KCTD5: variants seen among roughly 807,000 people sequenced by gnomAD.
The protein encoded by KCTD5 is potassium channel tetramerization domain containing 5, also known as BTB/POZ domain-containing protein KCTD5.
A neutral mutation model predicts 27.9 loss-of-function variants in KCTD5; 12 were observed. The observed-to-expected ratio is 0.43, with a 90% CI of 0.28 to 0.70. The LOEUF (loss-of-function observed/expected upper bound fraction) is 0.70, where lower values mean the gene tolerates loss of function less well. Ranked by LOEUF, KCTD5 falls within the 30% of genes least tolerant of loss-of-function variation. The pLI is 0.19. For synonymous variants in KCTD5, 147 were observed against 121.4 expected (o/e 1.21, Z -1.39); for missense variants, 226 against 274.8 (o/e 0.82, Z 1.26).
intron 5 of KCTD5, 120 bp from the exon 6 acceptor site, chr16:2,707,178 G>T: frequency 1.1e-6 from 1 of 878,684 alleles, no homozygotes; most frequent in Non-Finnish European, 1.8e-6. Flanking sequence ...CAGTGCCGCT[G>T]GGTTCCCGGG....
chr16:2,693,573 G>A (rs2067576373), intron 1 of KCTD5, among the ~76,000 whole-genome samples: 1 of 152,246 alleles, frequency 6.6e-6, no homozygotes, highest in African/African-American at 2.4e-5. Context: ...CCTCTGTCCT[G>A]CTGTGCAGTT....
At chr16:2,700,662 T>C (rs2067607576) in intron 4 of KCTD5, among the ~76,000 whole-genome samples, 1 of 152,226 alleles carries the variant, frequency 6.6e-6, no homozygotes, top group Non-Finnish European at 1.5e-5. Context: ...CACTTGCTTC[T>C]GTCTGGGGCA....
chr16:2,691,300 C>T (rs2067565614), intron 1 of KCTD5, among the ~76,000 whole-genome samples: 1 of 152,264 alleles, frequency 6.6e-6, no homozygotes, highest in South Asian at 2.1e-4. Context: ...TCTGCCCAGA[C>T]AGGGCCTGTT....
chr16:2,707,174 C>A, intron 5 of KCTD5, 124 bp from the exon 6 acceptor site: 4 of 832,726 alleles, frequency 4.8e-6, no homozygotes, highest in Admixed American at 2.5e-5. Flanking sequence ...TGGCCAGTGC[C>A]GCTGGGTTCC....
intron 2 of KCTD5, chr16:2,697,383 CACA>C: frequency 1.3e-5 from 2 of 154,532 alleles, no homozygotes; most frequent in Non-Finnish European, 2.9e-5. Context: ...CTCAGCCAGC[CACA>C]GTCTTCCCTT....
At chr16:2,693,811 G>T (rs532263752) in intron 1 of KCTD5, among the ~76,000 whole-genome samples, 1 of 151,416 alleles carries the variant, frequency 6.6e-6, no homozygotes, top group Non-Finnish European at 1.5e-5. Context: ...TGGCGGCCCC[G>T]AGCTACACGA....
Position 2,707,213 on chromosome 16 carries a change from G to C in KCTD5, c.676-85G>C, listed in dbSNP as rs1218835179. On this transcript the variant is annotated intron_variant, in intron 5 of 5. Coordinates refer to ENST00000301738, the MANE Select transcript of KCTD5 (RefSeq NM_018992.4). ...GGCTCCCCGAGCTAACCCCAGGCCT[G>C]TGGGCTCTGTTTTCTGGAGCAGGCG... The C allele has an allele frequency of 4.4e-6, 6 of 1,367,944 alleles. No homozygotes were observed. In the Admixed American group the frequency reaches 9.1e-5, roughly 21 times the overall value. 84.7% of individuals were successfully genotyped at this position (1,367,944 alleles called of 1,614,324 possible). A position where few individuals can be genotyped will look rare whatever the true frequency, so the allele number is the denominator to read the frequency against.
chr16:2,705,130 G>A (rs572879005), intron 5 of KCTD5, among the ~76,000 whole-genome samples: 10 of 152,320 alleles, frequency 6.6e-5, no homozygotes, highest in Admixed American at 2.6e-4. Flanking sequence ...GCTGCACGCC[G>A]CCAGAGTGAC....
chr16:2,690,662 C>T lies in KCTD5; in HGVS notation c.253-5273C>T, dbSNP rs146655864. On this transcript the variant is annotated intron_variant, in intron 1 of 5. Transcript: ENST00000301738. ...CGCAGCATCTCACTGGCTTCCTGGC[C>T]GCCTCTCCTCATCCCAGTCGTAGAG... Among the ~76,000 whole-genome samples, 136 of 152,294 alleles carry T rather than the reference C, an allele frequency of 8.9e-4. 1 individual carries two copies. Among genetic ancestry groups the T allele is most frequent in the Middle Eastern group, 3.4e-3 (1 of 294 alleles).
chr16:2,702,337 C>T lies in KCTD5; in HGVS notation c.550-16C>T, dbSNP rs551397880. Reference sequence around the variant, plus strand: ...AGGCTTCACTGGGCTGCGTCTCAGGCTATGTCTCCTTGCAGTTGGTCAGCA... The same window carrying T: ...AGGCTTCACTGGGCTGCGTCTCAGGTTATGTCTCCTTGCAGTTGGTCAGCA... On this transcript the variant is annotated splice_polypyrimidine_tract_variant and intron_variant, in intron 4 of 5. Coordinates refer to ENST00000301738, the MANE Select transcript of KCTD5 (RefSeq NM_018992.4). 34 of 1,613,284 alleles carry T rather than the reference C, an allele frequency of 2.1e-5. No homozygotes were observed. The highest frequency in any genetic ancestry group is 1.1e-5 in the South Asian group (1 of 91,070).
At chr16:2,696,986 G>A (rs2335155) in intron 2 of KCTD5, among the ~76,000 whole-genome samples, 3,379 of 147,794 alleles carry the variant, frequency 0.023, 41 homozygotes, top group Non-Finnish European at 0.03. Flanking sequence ...GCTCAGAAAC[G>A]GGCGCTAGAC....
Position 2,682,659 on chromosome 16 carries a change from G to A in KCTD5, c.111G>A (p.Gln37=). ...GCGCTGGGCTCGGCGCCCTGGCCCA[G>A]CGCCCTGGCAGCGTGTCCAAGTGGG... ...RCSAGLGALA[Q]RPGSVSKWVR... The change falls in exon 1 of 6, where the codon CAG becomes CAA. Residue 37 remains glutamine, a synonymous_variant. Transcript: ENST00000301738. The A allele has an allele frequency of 6.3e-7, 1 of 1,599,012 alleles. No individual in the cohort carries two copies. The highest frequency in any genetic ancestry group is 1.1e-5 in the South Asian group (1 of 89,198).
At chr16:2,702,312 A>G in intron 4 of KCTD5, 41 bp from the exon 5 acceptor site, 2 of 1,610,690 alleles carry the variant, frequency 1.2e-6, no homozygotes, top group East Asian at 2.2e-5. Flanking sequence ...TGGGTCTCTC[A>G]GGCTTCACTG....
At chr16:2,699,690 G>C in intron 3 of KCTD5, 131 bp from the exon 4 acceptor site, 1 of 726,268 alleles carries the variant, frequency 1.4e-6, no homozygotes, top group Non-Finnish European at 2.4e-6. Flanking sequence ...GCTCAGGATT[G>C]CTTTGGGCCT....
intron 1 of KCTD5, among the ~76,000 whole-genome samples, chr16:2,690,171 G>A (rs1166784028): frequency 2.0e-5 from 3 of 152,238 alleles, no homozygotes; most frequent in Admixed American, 6.5e-5. Context: ...CTGACCAGAC[G>A]TCCATCTGCG....
At chr16:2,698,979 T>C (rs2067599094) in intron 3 of KCTD5, among the ~76,000 whole-genome samples, 1 of 152,218 alleles carries the variant, frequency 6.6e-6, no homozygotes, top group African/African-American at 2.4e-5. Context: ...GAGTCTGCGG[T>C]CCAGCCTTGC....
chr16:2,691,253 C>G (rs765969903), intron 1 of KCTD5, among the ~76,000 whole-genome samples: 24 of 152,236 alleles, frequency 1.6e-4, no homozygotes, highest in Non-Finnish European at 2.6e-4. Context: ...CACGCCACTG[C>G]CTCCCCGCCC....
chr16:2,683,890 G>A (rs991376240), intron 1 of KCTD5: 1 of 145,744 alleles, frequency 6.9e-6, no homozygotes, highest in African/African-American at 2.6e-5. Flanking sequence ...GCATGACCGT[G>A]ATCAGGAAGT....
At chr16:2,706,976 C>T (rs1450192919) in intron 5 of KCTD5, among the ~76,000 whole-genome samples, 1 of 151,972 alleles carries the variant, frequency 6.6e-6, no homozygotes, top group Non-Finnish European at 1.5e-5. Flanking sequence ...GCTGAGGGAC[C>T]CGCGGGCCGA....
Sources: gnomAD v4.1 joint callset for allele counts (sites outside exome capture counted in the v4.1 genomes callset) on GRCh38, gnomAD v4.1.1 for gene constraint, MANE v1.5 for transcripts, NCBI Gene and HGNC (gene_info 2026-07-23, HGNC 2026-07-21) for gene names.